Variants in CAST observed in about 807,000 individuals in gnomAD.
The protein encoded by CAST is calpastatin, also known as MIR583 host.
CAST carries 76 observed loss-of-function variants against 119.6 expected under a neutral mutation model. The observed-to-expected ratio is 0.64, with a 90% CI of 0.53 to 0.77. The LOEUF is 0.77. Ranked by LOEUF, CAST falls within the 30% of genes least tolerant of loss-of-function variation. The pLI is 0.00. For synonymous variants in CAST, 319 were observed against 331.6 expected (o/e 0.96, Z 0.41); for missense variants, 953 against 946.5 (o/e 1.01, Z -0.09).
chr5:95,997,963 G>GTTTT, the CAST span, among the ~76,000 whole-genome samples: 6 of 93,608 alleles, frequency 6.4e-5, no homozygotes, highest in African/African-American at 9.4e-5. Flanking sequence ...TTGAGAGAGG[G>GTTTT]TTTTTTTTTT....
At chr5:96,518,039 G>A in the CAST span, among the ~76,000 whole-genome samples, 1 of 152,236 alleles carries the variant, frequency 6.6e-6, no homozygotes, top group African/African-American at 2.4e-5. Flanking sequence ...CTAAAAAATG[G>A]TGAAGCCAGG....
chr5:96,735,126 G>T (rs565974966), intron 9 of CAST, among the ~76,000 whole-genome samples: 6 of 152,206 alleles, frequency 3.9e-5, no homozygotes, highest in Non-Finnish European at 8.8e-5. Context: ...CATTGCAATT[G>T]TAACAGTCAC....
chr5:96,606,367 A>G (rs545237106), intron 1 of CAST, among the ~76,000 whole-genome samples: 1 of 152,332 alleles, frequency 6.6e-6, no homozygotes, highest in East Asian at 1.9e-4. Context: ...TCAGATTTTT[A>G]TCTGTATAAG....
At chr5:96,366,848 C>T in the CAST span, among the ~76,000 whole-genome samples, 1 of 152,358 alleles carries the variant, frequency 6.6e-6, no homozygotes, top group East Asian at 1.9e-4. Flanking sequence ...ATTCTCCATC[C>T]AGCTTTGTTC....
intron 1 of CAST, among the ~76,000 whole-genome samples, chr5:96,647,093 G>T (rs556805308): frequency 3.3e-5 from 5 of 152,208 alleles, no homozygotes; most frequent in African/African-American, 4.8e-5. Context: ...GCATGTTTGT[G>T]ATGGAGTTAG....
At chr5:96,012,925 G>A in the CAST span, among the ~76,000 whole-genome samples, 1 of 152,174 alleles carries the variant, frequency 6.6e-6, no homozygotes, top group African/African-American at 2.4e-5. Flanking sequence ...GACATGGGAA[G>A]CTGGTCTACA....
the CAST span, among the ~76,000 whole-genome samples, chr5:96,448,034 A>T: frequency 3.3e-5 from 5 of 152,204 alleles, no homozygotes; most frequent in Admixed American, 6.5e-5. Flanking sequence ...AAAAAGATAA[A>T]ACCAGGGCCA....
the CAST span, among the ~76,000 whole-genome samples, chr5:96,079,958 A>G: frequency 1.3e-5 from 2 of 152,056 alleles, no homozygotes; most frequent in Non-Finnish European, 2.9e-5. Context: ...GAAAAGCCTT[A>G]TATATACATA....
chr5:96,234,072 G>A, the CAST span, among the ~76,000 whole-genome samples: 1 of 152,234 alleles, frequency 6.6e-6, no homozygotes, highest in East Asian at 1.9e-4. Flanking sequence ...AAACAAAGAA[G>A]TGGGTACATA....
At chr5:96,310,565 T>C in the CAST span, among the ~76,000 whole-genome samples, 1 of 140,498 alleles carries the variant, frequency 7.1e-6, no homozygotes, top group East Asian at 2.2e-4. Context: ...TCTTAGGCTT[T>C]TTTTTTTTTA....
chr5:96,082,448 TCTCATTCATTCACA>T, the CAST span, among the ~76,000 whole-genome samples: 1 of 152,196 alleles, frequency 6.6e-6, no homozygotes, highest in Non-Finnish European at 1.5e-5. Flanking sequence ...AAGGCAGATC[TCTCATTCATTCACA>T]CTCTAGGTCC....
At chr5:96,243,554 A>G in the CAST span, among the ~76,000 whole-genome samples, 1 of 152,142 alleles carries the variant, frequency 6.6e-6, no homozygotes, top group South Asian at 2.1e-4. Flanking sequence ...CTATATCTCT[A>G]TCCACATATA....
At chr5:96,399,182 T>C in the CAST span, 15 of 653,706 alleles carry the variant, frequency 2.3e-5, no homozygotes, top group Non-Finnish European at 3.5e-5. Context: ...TTCAGAATTA[T>C]GTATACATGA....
At chr5:95,971,960 C>CTTT in the CAST span, among the ~76,000 whole-genome samples, 26 of 136,984 alleles carry the variant, frequency 1.9e-4, no homozygotes, top group Admixed American at 1.2e-3. Flanking sequence ...TCTTTTATTT[C>CTTT]TTTTTTTTTT....
At chr5:95,984,768 G>A in the CAST span, among the ~76,000 whole-genome samples, 2 of 152,182 alleles carry the variant, frequency 1.3e-5, no homozygotes, top group African/African-American at 4.8e-5. Context: ...TACAAGTACT[G>A]AGTACTTGAA....
At chr5:96,731,635 A>C (rs1339800940) in intron 9 of CAST, among the ~76,000 whole-genome samples, 1 of 150,670 alleles carries the variant, frequency 6.6e-6, no homozygotes, top group Non-Finnish European at 1.5e-5. Flanking sequence ...TATATCTCCC[A>C]ATGCTATCCC....
the CAST span, among the ~76,000 whole-genome samples, chr5:96,054,420 G>A: frequency 3.3e-5 from 5 of 151,882 alleles, no homozygotes; most frequent in East Asian, 3.9e-4. Flanking sequence ...TGCCTGGCTT[G>A]TCCTGGGAGT....
the CAST span, among the ~76,000 whole-genome samples, chr5:96,102,634 C>A: frequency 1.3e-4 from 20 of 152,234 alleles, no homozygotes; most frequent in East Asian, 3.5e-3. Context: ...CTGCCTCCGG[C>A]CTCTATCACT....
At chr5:95,969,039 C>G in the CAST span, among the ~76,000 whole-genome samples, 1 of 152,116 alleles carries the variant, frequency 6.6e-6, no homozygotes, top group Non-Finnish European at 1.5e-5. Flanking sequence ...AGTTTTCTAT[C>G]TGCGATAATG....
Sources: allele counts gnomAD v4.1 joint callset (sites outside exome capture counted in the v4.1 genomes callset), GRCh38; gene constraint gnomAD v4.1.1; transcripts MANE v1.5; gene names NCBI Gene and HGNC (gene_info 2026-07-23, HGNC 2026-07-21).